Variants in CUL5 observed in about 807,000 individuals in gnomAD.
CUL5 encodes cullin-5.
CUL5 carries 26 observed loss-of-function variants against 108.8 expected under a neutral mutation model. That is an observed-to-expected ratio of 0.24 (90% CI 0.18 to 0.33). The LOEUF is 0.33. Ranked by LOEUF, CUL5 falls within the 10% of genes least tolerant of loss-of-function variation. CUL5 has a pLI of 1.00. For missense variants in CUL5, 524 were observed against 909.2 expected (o/e 0.58, Z 5.45); for synonymous variants, 334 against 298.0 (o/e 1.12, Z -1.25).
intron 7 of CUL5, among the ~76,000 whole-genome samples, chr11:108,060,708 G>A (rs182869914): frequency 1.3e-5 from 2 of 152,048 alleles, no homozygotes; most frequent in African/African-American, 2.4e-5. Context: ...ATGGTGGTGC[G>A]TGCCTGTAAT....
chr11:108,073,525 AC>A, intron 10 of CUL5, 28 bp downstream of exon 10: 1 of 1,066,950 alleles, frequency 9.4e-7, no homozygotes, highest in Non-Finnish European at 1.3e-6. Context: ...TATAAAAAAC[AC>A]TTTTAAAAGT....
chr11:108,096,115 GCACACA>G lies in CUL5; in HGVS notation c.1905+436_1905+441del, dbSNP rs145197270. ...CCGTCTGAAAAAAAAAAAAAATTAT[GCACACA>G]CACACACACACGAGATATTTATGGA... On this transcript the variant is annotated intron_variant, in intron 16 of 18. Coordinates refer to ENST00000393094, the MANE Select transcript of CUL5 (RefSeq NM_003478.6). Among the ~76,000 whole-genome samples the G allele has an allele frequency of 8.9e-5, 13 of 146,026 alleles. No homozygotes were observed. The South Asian group carries it at 1.1e-3, about 12-fold the overall frequency.
intron 2 of CUL5, among the ~76,000 whole-genome samples, chr11:108,043,677 TAAAATAAGGATA>T (rs1337394036): frequency 6.6e-6 from 1 of 152,164 alleles, no homozygotes; most frequent in Non-Finnish European, 1.5e-5. Context: ...TCCCCATCTG[TAAAATAAGGATA>T]AAATAGTAGT....
At chr11:108,021,328 TA>T (rs917553830) in intron 1 of CUL5, among the ~76,000 whole-genome samples, 3 of 152,180 alleles carry the variant, frequency 2.0e-5, no homozygotes, top group Admixed American at 6.5e-5. Flanking sequence ...AGTAAGGTGA[TA>T]AAAAAATTGC....
chr11:108,045,513 A>C (rs1013326717), intron 2 of CUL5, among the ~76,000 whole-genome samples: 2 of 152,204 alleles, frequency 1.3e-5, no homozygotes, highest in Non-Finnish European at 2.9e-5. Context: ...TGAGCACAGG[A>C]GTTTGAGACT....
chr11:108,044,742 T>C (rs1863025027), intron 2 of CUL5, among the ~76,000 whole-genome samples: 1 of 146,386 alleles, frequency 6.8e-6, no homozygotes, highest in African/African-American at 2.7e-5. Flanking sequence ...TTTTTTTACT[T>C]TTTTTTTTAT....
chr11:108,013,564 C>A (rs1314898955), intron 1 of CUL5, among the ~76,000 whole-genome samples: 4 of 151,862 alleles, frequency 2.6e-5, no homozygotes, highest in African/African-American at 7.3e-5. Flanking sequence ...TGCCAGAGGT[C>A]GTCATCTCCC....
chr11:108,097,568 TGGG>T (rs1864531796), intron 16 of CUL5, 65 bp from the exon 17 acceptor site: 2 of 847,304 alleles, frequency 2.4e-6, no homozygotes, highest in Non-Finnish European at 3.9e-6. Context: ...GTTGATTATG[TGGG>T]AGAATTGATC....
chr11:108,023,935 C>T (rs1862390567), intron 1 of CUL5, among the ~76,000 whole-genome samples: 2 of 152,178 alleles, frequency 1.3e-5, no homozygotes, highest in South Asian at 4.1e-4. Flanking sequence ...TCTTCCTCCT[C>T]CTCCACCATG....
In CUL5 at chr11:108,107,055, G is replaced by A. The variant is rs527965570; in HGVS notation, c.*2671G>A. ...AGAAAAATTTTGATGGTCACAATGA[G>A]ATAAATATTAGAATATTACTATTCC... On this transcript the variant is annotated 3_prime_UTR_variant, in exon 19 of 19. Coordinates refer to ENST00000393094, the MANE Select transcript of CUL5 (RefSeq NM_003478.6). 2.7e-5 allele frequency: 4 copies of A among 150,372 alleles called. No homozygotes were observed. The highest frequency in any genetic ancestry group is 1.3e-4 in the Admixed American group (2 of 15,008). The allele number at this position is 150,372 out of a possible 1,614,324, so 9.3% of individuals were successfully genotyped here. A position where few individuals can be genotyped will look rare whatever the true frequency, so the allele number is the denominator to read the frequency against.
Position 108,105,117 on chromosome 11 carries a change from C to G in CUL5, c.*733C>G, listed in dbSNP as rs2135259402. ...GGAAAGCTTGTTTTGAAAAATGAAGCTTATATTAATTGTTGCTTCAATAGT... is the reference window on the plus strand; with the variant it reads ...GGAAAGCTTGTTTTGAAAAATGAAGGTTATATTAATTGTTGCTTCAATAGT... On this transcript the variant is annotated 3_prime_UTR_variant, in exon 19 of 19. Coordinates refer to ENST00000393094, the MANE Select transcript of CUL5 (RefSeq NM_003478.6). The G allele has an allele frequency of 6.6e-6, 1 of 150,668 alleles. No individual in the cohort carries two copies. The highest frequency in any genetic ancestry group is 2.4e-5 in the African/African-American group (1 of 40,876). The allele number at this position is 150,668 out of a possible 1,614,324, so 9.3% of individuals were successfully genotyped here.
chr11:108,057,261 C>G (rs1004689125), intron 7 of CUL5, among the ~76,000 whole-genome samples: 2 of 152,080 alleles, frequency 1.3e-5, no homozygotes, highest in African/African-American at 2.4e-5. Context: ...CTCCTGGGCT[C>G]GAGCAGTTCT....
intron 2 of CUL5, among the ~76,000 whole-genome samples, chr11:108,039,389 C>A (rs1037182071): frequency 6.6e-6 from 1 of 152,216 alleles, no homozygotes; most frequent in Non-Finnish European, 1.5e-5. Context: ...CTGTGTCTTT[C>A]TCCCCACCTT....
rs189080480 is a variant in CUL5 at position 108,099,826 on chromosome 11, C to T, written c.2148+1297C>T. ...TATAAATGGAACCAGACAGTATGTA[C>T]TTTTATGTCTGACTTTTTTTGCTCA... On this transcript the variant is annotated intron_variant, in intron 18 of 18. Transcript: ENST00000393094. Among the ~76,000 whole-genome samples, 162 of 151,910 alleles carry T rather than the reference C, an allele frequency of 1.1e-3. 3 individuals are homozygous for T. Among genetic ancestry groups the T allele is most frequent in the African/African-American group, 3.8e-3 (158 of 41,426 alleles).
rs1002786439 is a variant in CUL5, at chr11:108,106,989, G to A, written c.*2605G>A. 7 of 149,368 alleles carry A rather than the reference G, an allele frequency of 4.7e-5. No homozygotes were observed. Among genetic ancestry groups the A allele is most frequent in the Admixed American group, 4.1e-4 (6 of 14,766 alleles). 9.3% of individuals were successfully genotyped at this position (149,368 alleles called of 1,614,324 possible). On this transcript the variant is annotated 3_prime_UTR_variant, in exon 19 of 19. Coordinates refer to ENST00000393094, the MANE Select transcript of CUL5 (RefSeq NM_003478.6). Reference sequence around the variant, plus strand: ...AACTTGTGTTGCCATCTCGTTGCCGGAGTAAGTAGACATAAGACAGAGTTT... The same window carrying A: ...AACTTGTGTTGCCATCTCGTTGCCGAAGTAAGTAGACATAAGACAGAGTTT...
At chr11:108,011,847 C>G (rs753586265) in intron 1 of CUL5, among the ~76,000 whole-genome samples, 60 of 152,154 alleles carry the variant, frequency 3.9e-4, no homozygotes, top group Non-Finnish European at 1.8e-4. Flanking sequence ...AGGATGGTCT[C>G]CATCTCTTGA....
At chr11:108,042,300 A>G (rs541803940) in intron 2 of CUL5, among the ~76,000 whole-genome samples, 120 of 147,296 alleles carry the variant, frequency 8.1e-4, no homozygotes, top group African/African-American at 2.7e-3. Context: ...GCTCACTGCA[A>G]CCTCCACCCC....
chr11:108,057,996 G>A (rs555023153), intron 7 of CUL5, among the ~76,000 whole-genome samples: 1 of 152,102 alleles, frequency 6.6e-6, no homozygotes, highest in South Asian at 2.1e-4. Context: ...AGATCATGTG[G>A]TCAGGAGTTC....
intron 7 of CUL5, among the ~76,000 whole-genome samples, chr11:108,063,211 C>T (rs1314001010): frequency 6.6e-6 from 1 of 152,088 alleles, no homozygotes; most frequent in Admixed American, 6.6e-5. Context: ...ACTACCCTAC[C>T]CAGCATCTGG....
Sources: gnomAD v4.1 joint callset for allele counts (sites outside exome capture counted in the v4.1 genomes callset) on GRCh38, gnomAD v4.1.1 for gene constraint, MANE v1.5 for transcripts, NCBI Gene and HGNC (gene_info 2026-07-23, HGNC 2026-07-21) for gene names.